Variants in COL6A6 observed in about 807,000 individuals in gnomAD.
COL6A6 encodes collagen type VI alpha 6 chain, also known as collagen alpha-6(VI) chain.
COL6A6 carries 183 observed loss-of-function variants against 208.6 expected under a neutral mutation model. That is an observed-to-expected ratio of 0.88 (90% CI 0.78 to 0.99). The LOEUF is 0.99. Ranked by LOEUF, COL6A6 falls within the 50% of genes least tolerant of loss-of-function variation. The pLI is 0.00. For synonymous variants in COL6A6, 973 were observed against 1,011.8 expected (o/e 0.96, Z 0.73); for missense variants, 2,816 against 2,815.2 (o/e 1.00, Z -0.01).
At chr3:130,665,213 T>C in intron 36 of COL6A6, 117 bp downstream of exon 36, 1 of 618,840 alleles carries the variant, frequency 1.6e-6, no homozygotes. Context: ...CAAAAATCTA[T>C]TGCTACATGA....
chr3:130,602,280 A>G (rs964077225), intron 20 of COL6A6, among the ~76,000 whole-genome samples: 15 of 152,226 alleles, frequency 9.9e-5, no homozygotes, highest in African/African-American at 3.6e-4. Flanking sequence ...TTGAGGCAAC[A>G]TATCTGTGTC....
intron 33 of COL6A6, 42 bp from the exon 34 acceptor site, chr3:130,658,634 C>A: frequency 1.5e-6 from 2 of 1,340,638 alleles, no homozygotes; most frequent in Non-Finnish European, 2.1e-6. Context: ...GTTCTTGCAG[C>A]CCTACCCACT....
At chr3:130,522,557 C>T (rs771653958) in intron 1 of COL6A6, among the ~76,000 whole-genome samples, 36 of 152,152 alleles carry the variant, frequency 2.4e-4, no homozygotes, top group South Asian at 4.2e-4. Flanking sequence ...TAATCCATAC[C>T]GCCAGGCCAG....
chr3:130,566,254 A>G (rs1296214741), intron 4 of COL6A6, among the ~76,000 whole-genome samples: 1 of 152,228 alleles, frequency 6.6e-6, no homozygotes, highest in Non-Finnish European at 1.5e-5. Context: ...CATGAATAGT[A>G]GCCTTAGTTA....
At chr3:130,540,520 C>T (rs1458464899) in intron 1 of COL6A6, among the ~76,000 whole-genome samples, 1 of 152,090 alleles carries the variant, frequency 6.6e-6, no homozygotes, top group East Asian at 1.9e-4. Flanking sequence ...TAATTAAGCT[C>T]CAGGATACAT....
intron 33 of COL6A6, among the ~76,000 whole-genome samples, chr3:130,650,178 T>C (rs1175697446): frequency 6.6e-6 from 1 of 152,198 alleles, no homozygotes; most frequent in African/African-American, 2.4e-5. Context: ...TAATAGTGGC[T>C]CAGTGGCAGG....
chr3:130,653,051 C>G (rs1398151517), intron 33 of COL6A6, among the ~76,000 whole-genome samples: 2 of 152,204 alleles, frequency 1.3e-5, no homozygotes, highest in African/African-American at 4.8e-5. Flanking sequence ...CTGTGCCTTC[C>G]TTCACAAATG....
At chr3:130,659,614 G>A (rs2065888110) in intron 34 of COL6A6, among the ~76,000 whole-genome samples, 1 of 152,112 alleles carries the variant, frequency 6.6e-6, no homozygotes, top group South Asian at 2.1e-4. Context: ...TTACAGAAGA[G>A]AAAAATAAAG....
chr3:130,531,261 G>C (rs2062088266), intron 1 of COL6A6, among the ~76,000 whole-genome samples: 2 of 151,898 alleles, frequency 1.3e-5, no homozygotes, highest in South Asian at 2.1e-4. Flanking sequence ...TGCACTGCAG[G>C]ATGTTTAGCA....
intron 8 of COL6A6, 143 bp from the exon 9 acceptor site, chr3:130,581,418 T>C: frequency 1.8e-6 from 1 of 569,272 alleles, no homozygotes; most frequent in South Asian, 3.1e-5. Context: ...TCTTAGCCTC[T>C]TTCTTTATTC....
intron 33 of COL6A6, among the ~76,000 whole-genome samples, chr3:130,654,766 G>A (rs971991826): frequency 1.3e-5 from 2 of 152,198 alleles, no homozygotes; most frequent in Non-Finnish European, 2.9e-5. Context: ...TTAATGCAGA[G>A]CCAGCTGAAC....
intron 1 of COL6A6, among the ~76,000 whole-genome samples, chr3:130,559,258 A>G (rs985359639): frequency 6.6e-6 from 1 of 152,240 alleles, no homozygotes; most frequent in Non-Finnish European, 1.5e-5. Flanking sequence ...TGTACTACAC[A>G]TTGCCTCCTG....
intron 20 of COL6A6, among the ~76,000 whole-genome samples, chr3:130,605,935 A>G (rs2064170444): frequency 6.6e-6 from 1 of 152,216 alleles, no homozygotes; most frequent in African/African-American, 2.4e-5. Context: ...TGAGAACAGT[A>G]TGAGGGAAAC....
chr3:130,520,126 G>A lies in COL6A6; in HGVS notation c.-32+2729G>A, dbSNP rs948264223. Among the ~76,000 whole-genome samples the A allele has an allele frequency of 5.9e-5, 9 of 152,162 alleles. 1 individual carries two copies. The highest frequency in any genetic ancestry group is 3.3e-4 in the Admixed American group (5 of 15,282). On this transcript the variant is annotated intron_variant, in intron 1 of 36. Coordinates refer to ENST00000358511, the MANE Select transcript of COL6A6 (RefSeq NM_001102608.3). ...CTTTAGCATTTGAGGAGACTTTTCC[G>A]TGAGGGTCAAATTATGCCTGCAGGT...
chr3:130,579,227 C>T (rs2063364800), intron 8 of COL6A6, among the ~76,000 whole-genome samples: 1 of 152,110 alleles, frequency 6.6e-6, no homozygotes, highest in South Asian at 2.1e-4. Context: ...TAAGTACTGT[C>T]TTTATAAATT....
At chr3:130,595,430 A>T (rs2063826550) in intron 18 of COL6A6, among the ~76,000 whole-genome samples, 1 of 152,220 alleles carries the variant, frequency 6.6e-6, no homozygotes, top group Non-Finnish European at 1.5e-5. Flanking sequence ...AAAGAAATAG[A>T]ACATTACCAG....
chr3:130,642,732 C>A, intron 29 of COL6A6, 100 bp from the exon 30 acceptor site: 3 of 1,055,186 alleles, frequency 2.8e-6, no homozygotes, highest in Non-Finnish European at 2.8e-6. Flanking sequence ...GAGAATAAAA[C>A]TTTTAAAAGT....
intron 28 of COL6A6, among the ~76,000 whole-genome samples, chr3:130,639,345 A>G (rs1348738908): frequency 1.3e-5 from 2 of 152,038 alleles, no homozygotes; most frequent in Admixed American, 6.5e-5. Flanking sequence ...GAACTCTATT[A>G]CTCAGATTTT....
Position 130,567,216 on chromosome 3 carries a change from GA to G in COL6A6, c.1800del (p.Asp601ThrfsTer2). The G allele has an allele frequency of 6.2e-7, 1 of 1,613,076 alleles. No individual in the cohort carries two copies. ...ATTACGTGCATGACTTTGATGCATT[GA>G]AAGACATAAGAAACCAAGTTGTTCA... is the stretch of plus-strand genomic sequence containing the variant. ...VYYVHDFDAL[K>X]DIRNQVVQEI... On this transcript the variant is annotated frameshift_variant, in exon 5 of 37. Coordinates refer to ENST00000358511, the MANE Select transcript of COL6A6 (RefSeq NM_001102608.3). LOFTEE classifies it high-confidence loss of function.
Sources: allele counts gnomAD v4.1 joint callset (sites outside exome capture counted in the v4.1 genomes callset), GRCh38; gene constraint gnomAD v4.1.1; transcripts MANE v1.5; gene names NCBI Gene and HGNC (gene_info 2026-07-23, HGNC 2026-07-21).